IQCK: variants seen among roughly 807,000 people sequenced by gnomAD.
The protein encoded by IQCK is IQ domain-containing protein K.
In IQCK, 29 loss-of-function variants were observed where a neutral mutation model predicts 28.1. The ratio of observed to expected loss-of-function variants is 1.03; its 90% CI spans 0.77 to 1.41. The LOEUF is 1.41. Ranked by LOEUF, IQCK falls within the 40% of genes most tolerant of loss-of-function variation. The pLI, the probability that IQCK is intolerant of heterozygous loss-of-function variation, is 0.00. For synonymous variants in IQCK, 113 were observed against 115.1 expected (o/e 0.98, Z 0.12); for missense variants, 359 against 314.7 (o/e 1.14, Z -1.07).
At chr16:19,777,457 G>GA (rs535323424) in intron 6 of IQCK, among the ~76,000 whole-genome samples, 37 of 151,208 alleles carry the variant, frequency 2.4e-4, no homozygotes, top group East Asian at 1.9e-3. Flanking sequence ...CCTCTTGATA[G>GA]AAAAAAAAAT....
chr16:19,847,820 A>G (rs566672668), intron 9 of IQCK, among the ~76,000 whole-genome samples: 1 of 152,208 alleles, frequency 6.6e-6, no homozygotes, highest in South Asian at 2.1e-4. Flanking sequence ...TTATTTTTAG[A>G]GATAGGGTCT....
At chr16:19,828,855 AAAATATATATATATAT>A (rs1208363384), downstream of IQCK, among the ~76,000 whole-genome samples, 1 of 142,782 alleles carries the variant, frequency 7.0e-6, no homozygotes, top group Non-Finnish European at 1.5e-5. Context: ...CGTCTCAAAA[AAAATATATATATATAT>A]AAATATATAT....
chr16:19,774,016 A>G (rs1014337973), intron 6 of IQCK, among the ~76,000 whole-genome samples: 1 of 152,210 alleles, frequency 6.6e-6, no homozygotes, highest in African/African-American at 2.4e-5. Flanking sequence ...ATCAGCATAG[A>G]TAATGAAGTA....
At chr16:19,773,482 T>C (rs535831678) in intron 6 of IQCK, among the ~76,000 whole-genome samples, 1 of 152,276 alleles carries the variant, frequency 6.6e-6, no homozygotes, top group South Asian at 2.1e-4. Context: ...TCCAATAATC[T>C]CAGAGTTCCT....
chr16:19,838,169 C>T (rs973791928), intron 9 of IQCK, among the ~76,000 whole-genome samples: 4 of 152,110 alleles, frequency 2.6e-5, no homozygotes, highest in Non-Finnish European at 4.4e-5. Flanking sequence ...TGGCTGTTGC[C>T]GGGTTTGGGA....
At chr16:19,760,914 T>C (rs2055129332) in intron 4 of IQCK, among the ~76,000 whole-genome samples, 1 of 152,210 alleles carries the variant, frequency 6.6e-6, no homozygotes, top group Non-Finnish European at 1.5e-5. Flanking sequence ...CTCCCATGTT[T>C]AGATGATCTA....
intron 7 of IQCK, among the ~76,000 whole-genome samples, chr16:19,813,724 A>G (rs2055937660): frequency 6.6e-6 from 1 of 152,210 alleles, no homozygotes; most frequent in African/African-American, 2.4e-5. Flanking sequence ...TGATAGATCT[A>G]AATAGTTATT....
intron 4 of IQCK, among the ~76,000 whole-genome samples, chr16:19,755,455 CTG>C (rs2055039478): frequency 6.6e-6 from 1 of 152,172 alleles, no homozygotes; most frequent in Non-Finnish European, 1.5e-5. Context: ...AACAGGCAGA[CTG>C]TAGCGTAGGG....
intron 4 of IQCK, among the ~76,000 whole-genome samples, chr16:19,757,469 T>C (rs972129485): frequency 6.6e-6 from 1 of 152,198 alleles, no homozygotes; most frequent in African/African-American, 2.4e-5. Flanking sequence ...GGCCAGCAGT[T>C]GGAGACCAGC....
At chr16:19,813,383 A>G (rs1455157284) in intron 7 of IQCK, among the ~76,000 whole-genome samples, 1 of 152,246 alleles carries the variant, frequency 6.6e-6, no homozygotes, top group South Asian at 2.1e-4. Flanking sequence ...AAAATGCTTC[A>G]TGGTGAAACT....
intron 9 of IQCK, among the ~76,000 whole-genome samples, chr16:19,846,982 G>T (rs1250910399): frequency 6.6e-6 from 1 of 152,104 alleles, no homozygotes; most frequent in Non-Finnish European, 1.5e-5. Flanking sequence ...AAGACCATGG[G>T]TTTTGGAGTC....
At chr16:19,855,309 G>A (rs2056544870) in intron 9 of IQCK, among the ~76,000 whole-genome samples, 3 of 152,098 alleles carry the variant, frequency 2.0e-5, no homozygotes, top group African/African-American at 7.2e-5. Flanking sequence ...AATAACCACA[G>A]GGCCAGGCGC....
At chr16:19,766,102 C>T (rs1269574092) in intron 6 of IQCK, 1 of 152,212 alleles carries the variant, frequency 6.6e-6, no homozygotes, top group Admixed American at 6.5e-5. Flanking sequence ...CATTTATATT[C>T]TCTACATCCA....
intron 4 of IQCK, among the ~76,000 whole-genome samples, chr16:19,748,376 AATTCTT>A (rs1169963226): frequency 1.3e-5 from 2 of 152,104 alleles, no homozygotes; most frequent in African/African-American, 2.4e-5. Flanking sequence ...AACCCAGCTA[AATTCTT>A]ATCCTTCCAT....
In IQCK at chr16:19,857,674, A is replaced by G. The variant is rs558084991; in HGVS notation, c.*1126A>G. 133 of 224,290 alleles carry G rather than the reference A, an allele frequency of 5.9e-4. 2 individuals carry two copies. The highest frequency in any genetic ancestry group is 3.1e-3 in the African/African-American group (131 of 41,962). The allele number at this position is 224,290 out of a possible 1,614,324, so 13.9% of individuals were successfully genotyped here. A position where few individuals can be genotyped will look rare whatever the true frequency, so the allele number is the denominator to read the frequency against. On this transcript the variant is annotated 3_prime_UTR_variant, in exon 10 of 10. Transcript: ENST00000320394. ...CTTGGGGTTTGGCCTGAGGCGTTCAACTCAGCCTTGGCCAACCGAGACCAC... is the reference window on the plus strand; with the variant it reads ...CTTGGGGTTTGGCCTGAGGCGTTCAGCTCAGCCTTGGCCAACCGAGACCAC...
intron 6 of IQCK, among the ~76,000 whole-genome samples, chr16:19,778,198 G>A (rs1352995711): frequency 6.6e-6 from 1 of 152,180 alleles, no homozygotes; most frequent in Non-Finnish European, 1.5e-5. Flanking sequence ...TGAGGAGGGG[G>A]TTGTGGGAGC....
intron 4 of IQCK, among the ~76,000 whole-genome samples, chr16:19,759,584 A>G (rs1297959507): frequency 6.6e-6 from 1 of 152,210 alleles, no homozygotes; most frequent in Non-Finnish European, 1.5e-5. Flanking sequence ...CACAGAGCTT[A>G]TGATTCACTA....
chr16:19,856,652 G>A (rs2056566923), exon 10 of IQCK: 6 of 892,544 alleles, frequency 6.7e-6, no homozygotes, highest in Non-Finnish European at 7.3e-6. Flanking sequence ...ACAAGACTTG[G>A]AACATGTGCA....
At chr16:19,852,723 C>T (rs147075199) in intron 9 of IQCK, among the ~76,000 whole-genome samples, 3 of 151,062 alleles carry the variant, frequency 2.0e-5, no homozygotes, top group South Asian at 2.1e-4. Context: ...CCTGGGTTCA[C>T]GCCATTCTCC....
Sources: gnomAD v4.1 joint callset for allele counts (sites outside exome capture counted in the v4.1 genomes callset) on GRCh38, gnomAD v4.1.1 for gene constraint, MANE v1.5 for transcripts, NCBI Gene and HGNC (gene_info 2026-07-23, HGNC 2026-07-21) for gene names.